Variants in ADNP2 observed in about 807,000 individuals in gnomAD.
The protein encoded by ADNP2 is activity-dependent neuroprotector homeobox protein 2.
Under a neutral mutation model 16.4 loss-of-function variants are expected in ADNP2, and 8 were observed. The observed-to-expected ratio is 0.49, with a 90% CI of 0.29 to 0.88. ADNP2 has a LOEUF of 0.88. ADNP2 is among the 40% of genes least tolerant of loss of function. The pLI is 0.09. For missense variants in ADNP2, 1,397 were observed against 1,395.1 expected (o/e 1.00, Z -0.02); for synonymous variants, 637 against 545.8 (o/e 1.17, Z -2.33).
Position 80,135,677 on chromosome 18 carries a change from C to T in ADNP2, c.264C>T (p.Phe88=), listed in dbSNP as rs2052527179. ...CKYSTKVLTS[F]KNHLHRYHED... is the part of the protein sequence containing the mutation. ...ACTCTACAAAGGTGCTTACTTCATT[C>T]AAGAATCATTTACATCGTTACCATG... The change falls in exon 4 of 4, where the codon TTC becomes TTT. Residue 88 remains phenylalanine (F), a synonymous_variant. Transcript: ENST00000262198. 6.2e-7 allele frequency: 1 copy of T among 1,614,168 alleles called. No individual in the cohort carries two copies. Among genetic ancestry groups the T allele is most frequent in the African/African-American group, 1.3e-5 (1 of 75,048 alleles).
chr18:80,137,705 C>T lies in ADNP2; in HGVS notation c.2292C>T (p.His764=), dbSNP rs146244456. 5.6e-6 allele frequency: 9 copies of T among 1,614,208 alleles called. No homozygotes were observed. The African/African-American group carries it at 1.1e-4, about 19-fold the overall frequency. ...CLVSEEELIH[H]LLMHGLGCLF... Reference sequence around the variant, plus strand: ...TCTCTGAGGAAGAGCTTATACACCACTTGCTGATGCATGGCTTGGGGTGCT... The same window carrying T: ...TCTCTGAGGAAGAGCTTATACACCATTTGCTGATGCATGGCTTGGGGTGCT... The change falls in exon 4 of 4, where the codon CAC becomes CAT. Residue 764 remains histidine, a synonymous_variant. Transcript: ENST00000262198. The surrounding 1 kb of genome is among the most constrained non-coding windows in gnomAD (Gnocchi z 4.2).
chr18:80,128,234 A>T (rs868802609), intron 2 of ADNP2, among the ~76,000 whole-genome samples: 4 of 152,164 alleles, frequency 2.6e-5, no homozygotes, highest in African/African-American at 7.2e-5. Flanking sequence ...CCTAGTGTTT[A>T]TGCTTATTTC....
intron 1 of ADNP2, among the ~76,000 whole-genome samples, chr18:80,112,643 A>G (rs536039938): frequency 6.6e-6 from 1 of 152,326 alleles, no homozygotes; most frequent in African/African-American, 2.4e-5. Context: ...CAAGCCTTGA[A>G]CAAGTAACCA....
chr18:80,129,177 C>T (rs1250233490), intron 2 of ADNP2, among the ~76,000 whole-genome samples: 1 of 139,596 alleles, frequency 7.2e-6, no homozygotes, highest in Non-Finnish European at 1.6e-5. Flanking sequence ...GATCTCGGCT[C>T]ACTGCAAGCT....
At chr18:80,130,729 C>A (rs1376218507) in intron 2 of ADNP2, among the ~76,000 whole-genome samples, 5 of 150,674 alleles carry the variant, frequency 3.3e-5, no homozygotes, top group Non-Finnish European at 7.4e-5. Context: ...ATGTTAGCCA[C>A]CCCAGCCCCC....
rs527566956 is a variant in ADNP2 at position 80,112,258 on chromosome 18, A to G, written c.-14+2786A>G. On this transcript the variant is annotated intron_variant, in intron 1 of 3. Coordinates refer to ENST00000262198, the MANE Select transcript of ADNP2 (RefSeq NM_014913.4). The stretch of plus-strand genomic sequence containing the variant: ...TATCTTAGGATTGATAAATTATGCT[A>G]TAAGAATGGATCTAAGAATGAATAA... 1.2e-4 allele frequency among the ~76,000 whole-genome samples: 19 copies of G among 152,318 alleles called. No homozygotes were observed. In the South Asian group the frequency reaches 3.3e-3, roughly 27 times the overall value.
Position 80,136,337 on chromosome 18 carries a change from A to G in ADNP2, c.924A>G (p.Pro308=), listed in dbSNP as rs756708881. ...GTCCAAGCCCAGCCGCAGGACAGCC[A>G]GTGACTGTGGCCCAGGGTGCCCCTG... The part of the protein sequence containing the change: ...QNSPSPAAGQ[P]VTVAQGAPGS... The change falls in exon 4 of 4, where the codon CCA becomes CCG. Residue 308 remains proline (P), a synonymous_variant. Transcript: ENST00000262198. 5.0e-6 allele frequency: 8 copies of G among 1,614,112 alleles called. No homozygotes were observed. The highest frequency in any genetic ancestry group is 3.3e-5 in the Admixed American group (2 of 60,012).
chr18:80,124,538 G>A (rs115758798), intron 2 of ADNP2, among the ~76,000 whole-genome samples: 76 of 152,252 alleles, frequency 5.0e-4, no homozygotes, highest in African/African-American at 1.7e-3. Flanking sequence ...GGCCCTCCGC[G>A]GGTACTCAAC....
chr18:80,111,479 G>C (rs913444682), intron 1 of ADNP2, among the ~76,000 whole-genome samples: 2 of 151,916 alleles, frequency 1.3e-5, no homozygotes, highest in African/African-American at 2.4e-5. Flanking sequence ...CCTTTTTGGT[G>C]ACCATCGTTT....
intron 1 of ADNP2, 133 bp downstream of exon 1, chr18:80,109,605 C>CCCTCGCGCCGCCCGT (rs1056300346): frequency 6.7e-6 from 1 of 148,874 alleles, no homozygotes; most frequent in Non-Finnish European, 1.5e-5. Context: ...CCGCCGCCTG[C>CCCTCGCGCCGCCCGT]CCTCGCGCCG....
rs1354922646 is a variant in ADNP2, at chr18:80,136,234, T to C, written c.821T>C (p.Leu274Ser). 6.2e-7 allele frequency: 1 copy of C among 1,614,250 alleles called. No individual in the cohort carries two copies. Residue 274 changes from leucine to serine, a missense_variant, in exon 4 of 4, where the codon TTG becomes TCG. Physicochemically the swap from Leu to Ser is moderately radical, Grantham distance 145 (BLOSUM62 -2). This residue lies in a region of ADNP2 where 777 missense variants were observed against 719.4 expected (regional missense o/e 1.08). Transcript: ENST00000262198. Reference sequence around the variant, plus strand: ...ATTGCTCCAAAACCAGCAGCACATTTGGCTGCACCAGCAAATGGCAGTGCT... The same window carrying C: ...ATTGCTCCAAAACCAGCAGCACATTCGGCTGCACCAGCAAATGGCAGTGCT... ...THIAPKPAAHLAAPANGSAPS... is the reference protein window; with the variant it reads ...THIAPKPAAHSAAPANGSAPS...
intron 2 of ADNP2, among the ~76,000 whole-genome samples, chr18:80,122,622 T>C (rs905488111): frequency 6.6e-6 from 1 of 152,260 alleles, no homozygotes; most frequent in African/African-American, 2.4e-5. Flanking sequence ...CCTGTTCAGA[T>C]TTTTCAGTGC....
At chr18:80,122,305 A>C (rs1312672538) in intron 2 of ADNP2, among the ~76,000 whole-genome samples, 4 of 152,106 alleles carry the variant, frequency 2.6e-5, no homozygotes, top group African/African-American at 9.7e-5. Context: ...TGTATTCTTT[A>C]TTTCAGTATT....
intron 1 of ADNP2, among the ~76,000 whole-genome samples, chr18:80,113,690 A>G (rs763128195): frequency 6.6e-6 from 1 of 152,194 alleles, no homozygotes; most frequent in Non-Finnish European, 1.5e-5. Flanking sequence ...TCAAGCAAAT[A>G]TAACATGATT....
chr18:80,109,935 C>A, intron 1 of ADNP2: 1 of 152,918 alleles, frequency 6.5e-6, no homozygotes, highest in South Asian at 1.9e-4. Context: ...AGAAACGCCC[C>A]GCCCGCTGGC....
chr18:80,109,352 C>G lies in ADNP2; in HGVS notation c.-134C>G, dbSNP rs1373023368. The G allele has an allele frequency of 6.7e-6, 1 of 149,766 alleles. No homozygotes were observed. The highest frequency in any genetic ancestry group is 1.5e-5 in the Non-Finnish European group (1 of 67,220). The allele number at this position is 149,766 out of a possible 1,614,324, so 9.3% of individuals were successfully genotyped here. ...GCGCGCTGAGGCGGGGGTCCCGCCG[C>G]GCGGGGCGGAGGCGCGGGCGGGCGC... On this transcript the variant is annotated 5_prime_UTR_variant, in exon 1 of 4. Transcript: ENST00000262198.
At chr18:80,114,206 G>GA (rs1053866224) in intron 1 of ADNP2, among the ~76,000 whole-genome samples, 18 of 137,498 alleles carry the variant, frequency 1.3e-4, no homozygotes, top group African/African-American at 4.4e-4. Context: ...AAAAAAAAAA[G>GA]AAAAAAAAGA....
chr18:80,131,049 A>G (rs150391510), intron 2 of ADNP2, among the ~76,000 whole-genome samples: 2 of 152,164 alleles, frequency 1.3e-5, no homozygotes, highest in East Asian at 3.9e-4. Context: ...GTCTTAGGCC[A>G]TTTTACCTGC....
rs2052525762 is a variant in ADNP2, at chr18:80,135,502, T to G, written c.199-110T>G. 6.2e-6 allele frequency: 7 copies of G among 1,134,400 alleles called. No individual in the cohort carries two copies. In the South Asian group the frequency reaches 1.2e-4, roughly 19 times the overall value. The allele number at this position is 1,134,400 out of a possible 1,614,324, so 70.3% of individuals were successfully genotyped here. A position where few individuals can be genotyped will look rare whatever the true frequency, so the allele number is the denominator to read the frequency against. On this transcript the variant is annotated intron_variant, in intron 3 of 3. Transcript: ENST00000262198. ...CTGGGTTAGAAAACATTAAGTCAGG[T>G]TAAATGCCTAGCACATTAGAAGAAA... is the stretch of plus-strand genomic sequence containing the variant.
Sources: allele counts gnomAD v4.1 joint callset (sites outside exome capture counted in the v4.1 genomes callset), GRCh38; gene constraint gnomAD v4.1.1; regional missense constraint gnomAD v4.1.1; non-coding constraint Gnocchi (gnomAD v3.1); transcripts MANE v1.5; gene names NCBI Gene and HGNC (gene_info 2026-07-23, HGNC 2026-07-21).